The following CSNK2A2IP variants were observed in gnomAD, a reference collection of about 807,000 sequenced individuals.
The protein encoded by CSNK2A2IP is casein kinase II subunit alpha'-interacting protein.
chr3:88,440,346 G>A, the CSNK2A2IP span, among the ~76,000 whole-genome samples: 1 of 152,052 alleles, frequency 6.6e-6, no homozygotes, highest in South Asian at 2.1e-4. Flanking sequence ...TACAAATTGA[G>A]TAATTGGTAA....
the CSNK2A2IP span, chr3:88,465,126 A>G: frequency 2.7e-6 from 1 of 364,946 alleles, no homozygotes. Context: ...AGGAAACTAA[A>G]GAAAATACTG....
At chr3:88,412,734 A>G in the CSNK2A2IP span, among the ~76,000 whole-genome samples, 1 of 152,064 alleles carries the variant, frequency 6.6e-6, no homozygotes, top group African/African-American at 2.4e-5. Flanking sequence ...TACCTAGAGC[A>G]TAAGGTGTAG....
the CSNK2A2IP span, among the ~76,000 whole-genome samples, chr3:88,439,577 A>G: frequency 6.6e-6 from 1 of 151,818 alleles, no homozygotes; most frequent in Non-Finnish European, 1.5e-5. Context: ...CCCTGTCTCT[A>G]CTAAAAATAC....
At chr3:88,393,890 G>A in the CSNK2A2IP span, among the ~76,000 whole-genome samples, 2 of 152,188 alleles carry the variant, frequency 1.3e-5, no homozygotes, top group Non-Finnish European at 1.5e-5. Flanking sequence ...TAGTACAGAG[G>A]ATGAGGAGGG....
At chr3:88,400,234 A>G in the CSNK2A2IP span, among the ~76,000 whole-genome samples, 1 of 152,104 alleles carries the variant, frequency 6.6e-6, no homozygotes, top group Non-Finnish European at 1.5e-5. Flanking sequence ...TATTTAACAA[A>G]TATTTGCCAA....
At chr3:88,341,526 T>C in the CSNK2A2IP span, among the ~76,000 whole-genome samples, 10 of 151,832 alleles carry the variant, frequency 6.6e-5, no homozygotes, top group African/African-American at 2.4e-4. Flanking sequence ...AAAATAATGA[T>C]GAAGACAAGA....
the CSNK2A2IP span, among the ~76,000 whole-genome samples, chr3:88,391,100 A>G: frequency 6.6e-6 from 1 of 152,192 alleles, no homozygotes; most frequent in Non-Finnish European, 1.5e-5. Context: ...AATAATACTT[A>G]ATAGGCAGCT....
chr3:88,466,629 T>A, the CSNK2A2IP span: 1 of 1,230,332 alleles, frequency 8.1e-7, no homozygotes, highest in Non-Finnish European at 1.0e-6. Flanking sequence ...TTGTTAAAGG[T>A]GGAACTGTCC....
the CSNK2A2IP span, among the ~76,000 whole-genome samples, chr3:88,376,096 T>C: frequency 6.6e-6 from 1 of 151,840 alleles, no homozygotes; most frequent in Non-Finnish European, 1.5e-5. Flanking sequence ...GATTTAATTT[T>C]CTCCAAAGCC....
the CSNK2A2IP span, among the ~76,000 whole-genome samples, chr3:88,355,562 T>C: frequency 1.3e-5 from 2 of 152,178 alleles, no homozygotes; most frequent in African/African-American, 4.8e-5. Flanking sequence ...CCATTAATAT[T>C]GCTTTCTGAT....
the CSNK2A2IP span, among the ~76,000 whole-genome samples, chr3:88,438,206 A>T: frequency 6.6e-6 from 1 of 152,158 alleles, no homozygotes; most frequent in Non-Finnish European, 1.5e-5. Flanking sequence ...TGGCTACTGG[A>T]TTACATAAAA....
the CSNK2A2IP span, among the ~76,000 whole-genome samples, chr3:88,357,763 G>GT: frequency 0.52 from 78,415 of 150,754 alleles, 21,371 homozygotes; most frequent in African/African-American, 0.68. Flanking sequence ...TTCATCAATG[G>GT]TTTTTTTTTG....
At chr3:88,370,957 G>A in the CSNK2A2IP span, among the ~76,000 whole-genome samples, 1 of 151,692 alleles carries the variant, frequency 6.6e-6, no homozygotes, top group African/African-American at 2.4e-5. Flanking sequence ...TAATGAGAAA[G>A]TAGCCCTCTG....
chr3:88,429,279 T>C, the CSNK2A2IP span, among the ~76,000 whole-genome samples: 1 of 152,046 alleles, frequency 6.6e-6, no homozygotes, highest in Non-Finnish European at 1.5e-5. Context: ...GATGAGAATG[T>C]GTTATTTGCC....
the CSNK2A2IP span, among the ~76,000 whole-genome samples, chr3:88,451,843 G>A: frequency 7.5e-4 from 110 of 147,644 alleles, no homozygotes; most frequent in African/African-American, 2.5e-3. Flanking sequence ...TTTTCTCTTT[G>A]TCTTTCATTC....
At chr3:88,416,107 C>T in the CSNK2A2IP span, among the ~76,000 whole-genome samples, 2 of 151,540 alleles carry the variant, frequency 1.3e-5, no homozygotes, top group African/African-American at 4.9e-5. Context: ...CCCGTCTCTA[C>T]TAAAAATAGA....
At chr3:88,367,564 C>A in the CSNK2A2IP span, among the ~76,000 whole-genome samples, 3 of 152,078 alleles carry the variant, frequency 2.0e-5, no homozygotes, top group African/African-American at 7.2e-5. Flanking sequence ...TACATATACA[C>A]TTCCTTAACA....
chr3:88,415,066 A>G, the CSNK2A2IP span, among the ~76,000 whole-genome samples: 1 of 151,966 alleles, frequency 6.6e-6, no homozygotes, highest in Non-Finnish European at 1.5e-5. Flanking sequence ...CATTCATGTA[A>G]GAGCATAAAA....
chr3:88,380,429 A>T, the CSNK2A2IP span, among the ~76,000 whole-genome samples: 1 of 151,702 alleles, frequency 6.6e-6, no homozygotes, highest in South Asian at 2.1e-4. Flanking sequence ...CTATGTTTTA[A>T]TGTTTAATTT....
Sources: gnomAD v4.1 joint callset for allele counts (sites outside exome capture counted in the v4.1 genomes callset) on GRCh38, gnomAD v4.1.1 for gene constraint, MANE v1.5 for transcripts, NCBI Gene and HGNC (gene_info 2026-07-23, HGNC 2026-07-21) for gene names.